NUBPL: variants seen among roughly 807,000 people sequenced by gnomAD.
NUBPL encodes the protein iron-sulfur cluster transfer protein NUBPL.
NUBPL carries 31 observed loss-of-function variants against 45.7 expected under a neutral mutation model. The observed-to-expected ratio is 0.68, with a 90% CI of 0.51 to 0.92. NUBPL has a LOEUF of 0.92. Among genes scored for constraint, NUBPL ranks in the 40% least tolerant of loss-of-function variants. The pLI is 0.00. For missense variants in NUBPL, 401 were observed against 398.7 expected, an observed-to-expected ratio of 1.01 and a Z score of -0.05; for synonymous variants, 144 against 140.9, an observed-to-expected ratio of 1.02 and a Z score of -0.15.
intron 6 of NUBPL, among the ~76,000 whole-genome samples, chr14:31,726,870 G>A (rs1268490818): frequency 1.3e-5 from 2 of 152,124 alleles, no homozygotes; most frequent in Non-Finnish European, 2.9e-5. Flanking sequence ...TTGAGCTGAT[G>A]ATGCTTTGTC....
intron 4 of NUBPL, among the ~76,000 whole-genome samples, chr14:31,616,729 T>G (rs2034911415): frequency 6.6e-6 from 1 of 152,180 alleles, no homozygotes; most frequent in South Asian, 2.1e-4. Context: ...TTGTTCTTTT[T>G]GCTTAGGATT....
chr14:31,837,622 A>G (rs2040302667), intron 8 of NUBPL, among the ~76,000 whole-genome samples: 1 of 152,304 alleles, frequency 6.6e-6, no homozygotes, highest in Non-Finnish European at 1.5e-5. Flanking sequence ...CATGAAAACC[A>G]CATAAAAATT....
At chr14:31,688,404 C>T (rs1030768467) in intron 6 of NUBPL, among the ~76,000 whole-genome samples, 8 of 151,878 alleles carry the variant, frequency 5.3e-5, no homozygotes, top group Admixed American at 1.3e-4. Flanking sequence ...AGCAAAACCC[C>T]GTCTCTACTA....
intron 4 of NUBPL, among the ~76,000 whole-genome samples, chr14:31,622,962 G>A (rs746570066): frequency 7.2e-5 from 11 of 152,336 alleles, no homozygotes; most frequent in South Asian, 2.1e-4. Flanking sequence ...AGCTTGCACC[G>A]TGTGCTTGGG....
chr14:31,739,222 A>ATATATATTATATTC (rs1566533766), intron 6 of NUBPL, among the ~76,000 whole-genome samples: 21 of 142,270 alleles, frequency 1.5e-4, no homozygotes, highest in East Asian at 1.4e-3. Context: ...ATTATATTAT[A>ATATATATTATATTC]TATATATATA....
chr14:31,805,365 C>G (rs2039665503), intron 7 of NUBPL, among the ~76,000 whole-genome samples: 1 of 152,174 alleles, frequency 6.6e-6, no homozygotes, highest in South Asian at 2.1e-4. Context: ...GGTGATTCCT[C>G]AAAGAGCTAA....
chr14:31,857,973 C>T (rs943109782), intron 10 of NUBPL, among the ~76,000 whole-genome samples: 9 of 152,086 alleles, frequency 5.9e-5, no homozygotes, highest in Non-Finnish European at 1.0e-4. Flanking sequence ...ACCAACTTAC[C>T]GTAATAGTTT....
intron 6 of NUBPL, among the ~76,000 whole-genome samples, chr14:31,689,383 T>A (rs1229191422): frequency 6.6e-6 from 1 of 152,246 alleles, no homozygotes; most frequent in Non-Finnish European, 1.5e-5. Context: ...TGAGATACTG[T>A]CTCATTGTGG....
chr14:31,755,632 C>T (rs1050677858), intron 6 of NUBPL, among the ~76,000 whole-genome samples: 67 of 151,618 alleles, frequency 4.4e-4, no homozygotes, highest in African/African-American at 1.5e-3. Flanking sequence ...CAAAAATTTT[C>T]TCCCATTTTG....
chr14:31,757,733 T>G (rs972216908), intron 6 of NUBPL, among the ~76,000 whole-genome samples: 15 of 152,166 alleles, frequency 9.9e-5, no homozygotes, highest in Non-Finnish European at 1.6e-4. Context: ...TTTTCTTCTT[T>G]CATGTGTTTA....
chr14:31,735,802 G>A (rs8020980), intron 6 of NUBPL, among the ~76,000 whole-genome samples: 69,074 of 151,954 alleles, frequency 0.45, 16,805 homozygotes, highest in African/African-American at 0.64. Flanking sequence ...CAGTTAGTCG[G>A]GATTGCACCA....
At chr14:31,621,893 G>A (rs2035073419) in intron 4 of NUBPL, among the ~76,000 whole-genome samples, 1 of 152,186 alleles carries the variant, frequency 6.6e-6, no homozygotes, top group Non-Finnish European at 1.5e-5. Context: ...AGGTGAGGTT[G>A]GAACTGGGTA....
At chr14:31,639,549 G>T (rs970028146) in intron 4 of NUBPL, among the ~76,000 whole-genome samples, 1 of 152,202 alleles carries the variant, frequency 6.6e-6, no homozygotes, top group Non-Finnish European at 1.5e-5. Flanking sequence ...ACCCACTTGA[G>T]GAGGCAGTCT....
Position 31,840,389 on chromosome 14 carries a change from C to T in NUBPL, c.694-6082C>T, listed in dbSNP as rs564434256. On this transcript the variant is annotated intron_variant, in intron 8 of 10. Coordinates refer to ENST00000281081, the MANE Select transcript of NUBPL (RefSeq NM_025152.3). Reference sequence around the variant, plus strand: ...GAGATCGAGACCATCCTGGCTAACACGGTGAAACCCCATCTCTACTAGAAA... The same window carrying T: ...GAGATCGAGACCATCCTGGCTAACATGGTGAAACCCCATCTCTACTAGAAA... Among the ~76,000 whole-genome samples, 40 of 152,006 alleles carry T rather than the reference C, an allele frequency of 2.6e-4. 1 individual carries two copies. The highest frequency in any genetic ancestry group is 5.8e-4 in the African/African-American group (24 of 41,480).
intron 3 of NUBPL, among the ~76,000 whole-genome samples, chr14:31,583,066 G>T (rs941631568): frequency 2.6e-5 from 4 of 152,096 alleles, no homozygotes; most frequent in Non-Finnish European, 5.9e-5. Context: ...TTTCATATTT[G>T]CCGTGGAAAT....
rs1343052090 is a variant in NUBPL, at chr14:31,713,234, C to T, written c.513+39660C>T. ...TCTTCCCTTTCTCAACTTGAGTGCC[C>T]TTGAACTCCACTCTCATGGCACACC... On this transcript the variant is annotated intron_variant, in intron 6 of 10. Coordinates refer to ENST00000281081, the MANE Select transcript of NUBPL (RefSeq NM_025152.3). Among the ~76,000 whole-genome samples the T allele has an allele frequency of 2.0e-4, 30 of 152,108 alleles. 1 individual carries two copies. The highest frequency in any genetic ancestry group is 4.3e-4 in the Non-Finnish European group (29 of 68,014).
intron 6 of NUBPL, among the ~76,000 whole-genome samples, chr14:31,694,134 C>T (rs941949572): frequency 2.0e-5 from 3 of 151,986 alleles, no homozygotes; most frequent in South Asian, 4.1e-4. Context: ...GGATTACAGG[C>T]GTGAGCCACC....
intron 4 of NUBPL, among the ~76,000 whole-genome samples, chr14:31,615,323 T>C (rs1321597868): frequency 6.6e-6 from 1 of 152,126 alleles, no homozygotes; most frequent in Non-Finnish European, 1.5e-5. Flanking sequence ...TACATTAAGT[T>C]CTGGGGTACA....
chr14:31,657,228 G>A (rs1411392558), intron 4 of NUBPL, among the ~76,000 whole-genome samples: 1 of 152,136 alleles, frequency 6.6e-6, no homozygotes, highest in African/African-American at 2.4e-5. Context: ...ATGTGGTATG[G>A]CAGTCATTGA....
Sources: allele counts gnomAD v4.1 joint callset (sites outside exome capture counted in the v4.1 genomes callset), GRCh38; gene constraint gnomAD v4.1.1; transcripts MANE v1.5; gene names NCBI Gene and HGNC (gene_info 2026-07-23, HGNC 2026-07-21).